PRKCE: variants seen among roughly 807,000 people sequenced by gnomAD.
PRKCE encodes protein kinase C epsilon type.
A neutral mutation model predicts 85.4 loss-of-function variants in PRKCE; 16 were observed. The ratio of observed to expected loss-of-function variants is 0.19; its 90% CI spans 0.13 to 0.28. PRKCE has a LOEUF of 0.28. Ranked by LOEUF, PRKCE falls within the 10% of genes least tolerant of loss-of-function variation. The pLI is 1.00. For synonymous variants in PRKCE, 388 were observed against 371.5 expected (o/e 1.04, Z -0.51); for missense variants, 573 against 975.2 (o/e 0.59, Z 5.49).
chr2:45,920,788 T>A (rs1466524966), intron 2 of PRKCE, among the ~76,000 whole-genome samples: 1 of 152,190 alleles, frequency 6.6e-6, no homozygotes, highest in Non-Finnish European at 1.5e-5. Context: ...TTTGAGGTGA[T>A]GAAAATGTTC....
At chr2:46,143,157 C>T (rs1440183848) in intron 11 of PRKCE, among the ~76,000 whole-genome samples, 2 of 152,212 alleles carry the variant, frequency 1.3e-5, no homozygotes, top group Admixed American at 1.3e-4. Context: ...CTCCTCCTAA[C>T]TCACAGAGCT....
chr2:45,880,736 C>A (rs1402065171), intron 2 of PRKCE, among the ~76,000 whole-genome samples: 1 of 152,088 alleles, frequency 6.6e-6, no homozygotes, highest in Non-Finnish European at 1.5e-5. Flanking sequence ...TGGGGATTGG[C>A]CAGATACCAA....
intron 1 of PRKCE, among the ~76,000 whole-genome samples, chr2:45,717,230 T>G (rs1240329009): frequency 6.6e-6 from 1 of 152,224 alleles, no homozygotes; most frequent in African/African-American, 2.4e-5. Context: ...TTCTCCCATT[T>G]GCCACCCACA....
chr2:45,669,462 C>A (rs1018431212), intron 1 of PRKCE, among the ~76,000 whole-genome samples: 3 of 152,192 alleles, frequency 2.0e-5, no homozygotes, highest in African/African-American at 7.2e-5. Flanking sequence ...GTTCTCTTAC[C>A]GCGCAGCGTG....
intron 1 of PRKCE, among the ~76,000 whole-genome samples, chr2:45,721,032 G>A (rs1242615106): frequency 6.6e-6 from 1 of 152,102 alleles, no homozygotes; most frequent in Non-Finnish European, 1.5e-5. Flanking sequence ...GCTTGAACCT[G>A]GGAGGCAGAG....
chr2:45,976,056 T>A (rs1702430913), intron 2 of PRKCE, among the ~76,000 whole-genome samples: 5 of 152,146 alleles, frequency 3.3e-5, no homozygotes, highest in Admixed American at 1.3e-4. Flanking sequence ...ACACCACCTA[T>A]CCAAGGTCAC....
chr2:45,930,544 G>T (rs1356175936), intron 2 of PRKCE, among the ~76,000 whole-genome samples: 1 of 152,216 alleles, frequency 6.6e-6, no homozygotes, highest in African/African-American at 2.4e-5. Context: ...TCCAAGGAGG[G>T]CTGTGGGTGT....
At chr2:45,909,250 A>G (rs1303246180) in intron 2 of PRKCE, among the ~76,000 whole-genome samples, 1 of 152,244 alleles carries the variant, frequency 6.6e-6, no homozygotes, top group Non-Finnish European at 1.5e-5. Context: ...TATAAGATGA[A>G]CGAAGATTAT....
intron 1 of PRKCE, among the ~76,000 whole-genome samples, chr2:45,773,385 C>CTAAG (rs1230793679): frequency 1.3e-5 from 2 of 152,204 alleles, no homozygotes; most frequent in South Asian, 2.1e-4. Flanking sequence ...TGGCCCTGTG[C>CTAAG]TAAGCACTTG....
At chr2:45,997,532 T>TTTTTTA (rs1452549342) in intron 6 of PRKCE, among the ~76,000 whole-genome samples, 1 of 151,978 alleles carries the variant, frequency 6.6e-6, no homozygotes, top group Non-Finnish European at 1.5e-5. Flanking sequence ...TTTTATTTCA[T>TTTTTTA]TTTTTATTTT....
intron 13 of PRKCE, among the ~76,000 whole-genome samples, chr2:46,153,859 T>C (rs1676906282): frequency 7.1e-6 from 1 of 141,270 alleles, no homozygotes. Flanking sequence ...CGATCTCTGC[T>C]CACTGCAACT....
chr2:46,111,858 C>G (rs1291540606), intron 11 of PRKCE, among the ~76,000 whole-genome samples: 2 of 152,132 alleles, frequency 1.3e-5, no homozygotes, highest in Non-Finnish European at 2.9e-5. Context: ...CAAGTAGTGA[C>G]TCCATGTTTA....
chr2:45,786,667 T>G lies in PRKCE; in HGVS notation c.349-56333T>G, dbSNP rs1457606917. On this transcript the variant is annotated intron_variant, in intron 1 of 14. Coordinates refer to ENST00000306156, the MANE Select transcript of PRKCE (RefSeq NM_005400.3). This position sits in a 1 kb window ranked among gnomAD's most constrained non-coding sequence, Gnocchi z 5.3. ...AGGGGTGGGAGTGAGGGGGCAAGGG[T>G]TTAAGTTTATTATCAAGGAACAGCA... 1.3e-5 allele frequency among the ~76,000 whole-genome samples: 2 copies of G among 151,642 alleles called. No homozygotes were observed. The highest frequency in any genetic ancestry group is 2.4e-5 in the African/African-American group (1 of 41,252).
chr2:46,026,906 G>A (rs144222658), intron 10 of PRKCE, among the ~76,000 whole-genome samples: 1 of 152,296 alleles, frequency 6.6e-6, no homozygotes, highest in Non-Finnish European at 1.5e-5. Flanking sequence ...AAAAGCAAGG[G>A]GCCGGGTGTG....
chr2:45,977,224 A>G (rs1273325100), intron 3 of PRKCE, among the ~76,000 whole-genome samples: 1 of 152,190 alleles, frequency 6.6e-6, no homozygotes, highest in Non-Finnish European at 1.5e-5. Flanking sequence ...AAGAATACTT[A>G]TCTTTTACAG....
intron 1 of PRKCE, among the ~76,000 whole-genome samples, chr2:45,671,422 A>G (rs1348792290): frequency 6.6e-6 from 1 of 152,260 alleles, no homozygotes; most frequent in Non-Finnish European, 1.5e-5. Flanking sequence ...CAGGAGGCCT[A>G]GGGCCTGGCC....
At chr2:45,728,456 C>G (rs1681271563) in intron 1 of PRKCE, among the ~76,000 whole-genome samples, 1 of 152,210 alleles carries the variant, frequency 6.6e-6, no homozygotes, top group Non-Finnish European at 1.5e-5. Flanking sequence ...GTCCCATGCC[C>G]AAACACACGC....
At position 46,041,868 on chromosome 2, in the gene PRKCE, A is replaced by C. The variant is rs1708234739; in HGVS notation, c.1437+31351A>C. Among the ~76,000 whole-genome samples the C allele has an allele frequency of 6.6e-6, 1 of 152,212 alleles. No homozygotes were observed. Among genetic ancestry groups the C allele is most frequent in the South Asian group, 2.1e-4 (1 of 4,826 alleles). ...GCCTCCATGTTAACATGTCGGCTTG[A>C]ATACTCTTATTTTCCACACTGGAAA... is the stretch of plus-strand genomic sequence containing the variant. On this transcript the variant is annotated intron_variant, in intron 10 of 14. Coordinates refer to ENST00000306156, the MANE Select transcript of PRKCE (RefSeq NM_005400.3). The surrounding 1 kb of genome is among the most constrained non-coding windows in gnomAD (Gnocchi z 5.5).
intron 10 of PRKCE, among the ~76,000 whole-genome samples, chr2:46,067,560 G>A (rs1320926494): frequency 6.6e-6 from 1 of 152,184 alleles, no homozygotes; most frequent in East Asian, 1.9e-4. Context: ...GGTGCAAAAT[G>A]AAACACCATG....
Sources: allele counts gnomAD v4.1 joint callset (sites outside exome capture counted in the v4.1 genomes callset), GRCh38; gene constraint gnomAD v4.1.1; non-coding constraint Gnocchi (gnomAD v3.1); transcripts MANE v1.5; gene names NCBI Gene and HGNC (gene_info 2026-07-23, HGNC 2026-07-21).